SUGCT: variants seen among roughly 807,000 people sequenced by gnomAD.
The protein encoded by SUGCT is succinyl-CoA:glutarate CoA-transferase.
Under a neutral mutation model 55.0 loss-of-function variants are expected in SUGCT, and 41 were observed. The ratio of observed to expected loss-of-function variants is 0.74; its 90% CI spans 0.58 to 0.97. SUGCT has a LOEUF of 0.97. Among genes scored for constraint, SUGCT ranks in the 50% least tolerant of loss-of-function variants. SUGCT has a pLI of 0.00. For missense variants in SUGCT, 568 were observed against 547.8 expected (o/e 1.04, Z -0.37); for synonymous variants, 187 against 200.4 (o/e 0.93, Z 0.56).
intron 8 of SUGCT, among the ~76,000 whole-genome samples, chr7:40,276,523 G>A (rs748226950): frequency 3.9e-4 from 60 of 152,168 alleles, no homozygotes; most frequent in Non-Finnish European, 7.8e-4. Context: ...GTAGCAGGTC[G>A]TGGAGTTGAG....
intron 7 of SUGCT, among the ~76,000 whole-genome samples, chr7:40,249,595 A>G (rs1228426093): frequency 6.6e-6 from 1 of 151,566 alleles, no homozygotes; most frequent in Non-Finnish European, 1.5e-5. Context: ...AATCTTAACC[A>G]TTATAAGTAT....
At chr7:40,963,912 C>T in the SUGCT span, among the ~76,000 whole-genome samples, 3 of 152,198 alleles carry the variant, frequency 2.0e-5, no homozygotes, top group Admixed American at 2.0e-4. Context: ...CTGACTTACT[C>T]ACTCATCTTA....
the SUGCT span, among the ~76,000 whole-genome samples, chr7:40,931,711 G>C: frequency 6.6e-6 from 1 of 152,156 alleles, no homozygotes; most frequent in Non-Finnish European, 1.5e-5. Flanking sequence ...TATTTGCATA[G>C]AGGTCTTTAT....
intron 6 of SUGCT, among the ~76,000 whole-genome samples, chr7:40,209,825 G>T (rs1327173853): frequency 6.6e-6 from 1 of 151,938 alleles, no homozygotes; most frequent in Non-Finnish European, 1.5e-5. Context: ...AAAGAATAAA[G>T]ATTTTATAAT....
chr7:40,747,166 C>T (rs1787775570), intron 12 of SUGCT, among the ~76,000 whole-genome samples: 1 of 152,058 alleles, frequency 6.6e-6, no homozygotes, highest in Admixed American at 6.5e-5. Context: ...CCTGGTGATC[C>T]CAAAAGAAAG....
chr7:40,463,696 C>T (rs1214716911), intron 11 of SUGCT, among the ~76,000 whole-genome samples: 1 of 152,156 alleles, frequency 6.6e-6, no homozygotes, highest in Non-Finnish European at 1.5e-5. Context: ...CACGATTCCC[C>T]TCAAATGCTC....
chr7:40,491,214 A>G (rs1791657896), intron 11 of SUGCT, among the ~76,000 whole-genome samples: 1 of 152,196 alleles, frequency 6.6e-6, no homozygotes, highest in South Asian at 2.1e-4. Context: ...CTTGAGATAC[A>G]ACTAACATTG....
chr7:40,426,839 G>A (rs1035273784), intron 9 of SUGCT, among the ~76,000 whole-genome samples: 1 of 151,634 alleles, frequency 6.6e-6, no homozygotes, highest in East Asian at 1.9e-4. Context: ...TAAGAGATAG[G>A]GTCTTGCTCT....
At chr7:40,615,512 G>A (rs1327358259) in intron 12 of SUGCT, among the ~76,000 whole-genome samples, 1 of 152,120 alleles carries the variant, frequency 6.6e-6, no homozygotes, top group Non-Finnish European at 1.5e-5. Flanking sequence ...AAGTCAGAAG[G>A]CCTTGGTGAC....
intron 11 of SUGCT, among the ~76,000 whole-genome samples, chr7:40,474,614 A>G (rs1269133633): frequency 6.6e-6 from 1 of 152,176 alleles, no homozygotes; most frequent in Non-Finnish European, 1.5e-5. Flanking sequence ...CCAGTAAACA[A>G]TAGACAACCC....
intron 6 of SUGCT, among the ~76,000 whole-genome samples, chr7:40,235,310 T>A (rs373058065): frequency 6.6e-6 from 1 of 152,138 alleles, no homozygotes; most frequent in East Asian, 1.9e-4. Context: ...TTTTATAGAT[T>A]GTTTTTGAAA....
intron 12 of SUGCT, among the ~76,000 whole-genome samples, chr7:40,705,608 A>G (rs1785360981): frequency 6.6e-6 from 1 of 152,186 alleles, no homozygotes; most frequent in Admixed American, 6.5e-5. Context: ...CCCCAGAGCC[A>G]TTGCTCCTTC....
the SUGCT span, among the ~76,000 whole-genome samples, chr7:40,903,918 T>A: frequency 1.3e-5 from 2 of 152,120 alleles, no homozygotes; most frequent in African/African-American, 4.8e-5. Context: ...CCAACAGCAC[T>A]TGATATATTT....
chr7:40,154,518 T>G (rs1012224316), intron 1 of SUGCT, among the ~76,000 whole-genome samples: 5 of 152,114 alleles, frequency 3.3e-5, no homozygotes, highest in African/African-American at 1.2e-4. Flanking sequence ...ATATTATAGT[T>G]TTTTGTAGAG....
chr7:40,691,637 T>C (rs1452219939), intron 12 of SUGCT, among the ~76,000 whole-genome samples: 1 of 152,232 alleles, frequency 6.6e-6, no homozygotes. Flanking sequence ...AAGAATCCTA[T>C]CTTTATCTTC....
intron 12 of SUGCT, among the ~76,000 whole-genome samples, chr7:40,663,296 CAA>C (rs71000127): frequency 1.5e-4 from 22 of 148,948 alleles, no homozygotes; most frequent in Non-Finnish European, 2.8e-4. Flanking sequence ...ATGTATATTT[CAA>C]AAAAAAAATC....
chr7:40,338,577 G>A (rs1053165336), intron 9 of SUGCT, among the ~76,000 whole-genome samples: 1 of 152,022 alleles, frequency 6.6e-6, no homozygotes, highest in Non-Finnish European at 1.5e-5. Flanking sequence ...CCTAGTTCTC[G>A]TGCCATGGTT....
At chr7:40,597,078 A>G (rs547655885) in intron 12 of SUGCT, among the ~76,000 whole-genome samples, 41 of 152,346 alleles carry the variant, frequency 2.7e-4, no homozygotes, top group Non-Finnish European at 4.4e-4. Context: ...CAGGGCTTCA[A>G]AGTTATACAG....
At chr7:40,576,989 C>G (rs1796802012) in intron 12 of SUGCT, among the ~76,000 whole-genome samples, 1 of 152,160 alleles carries the variant, frequency 6.6e-6, no homozygotes, top group Non-Finnish European at 1.5e-5. Flanking sequence ...GTAGCCCAGA[C>G]TGGAAGCATC....
Sources: gnomAD v4.1 joint callset for allele counts (sites outside exome capture counted in the v4.1 genomes callset) on GRCh38, gnomAD v4.1.1 for gene constraint, MANE v1.5 for transcripts, NCBI Gene and HGNC (gene_info 2026-07-23, HGNC 2026-07-21) for gene names.